Variants in COBL observed in about 807,000 individuals in gnomAD.
The protein encoded by COBL is protein cordon-bleu.
COBL carries 51 observed loss-of-function variants against 98.8 expected under a neutral mutation model. The observed-to-expected ratio is 0.52, with a 90% CI of 0.41 to 0.65. COBL has a LOEUF of 0.65. Among genes scored for constraint, COBL ranks in the 30% least tolerant of loss-of-function variants. COBL has a pLI of 0.00. For synonymous variants in COBL, 634 were observed against 651.7 expected (o/e 0.97, Z 0.41); for missense variants, 1,617 against 1,617.5 (o/e 1.00, Z 0.01).
intron 5 of COBL, among the ~76,000 whole-genome samples, chr7:51,174,289 C>A (rs1788153342): frequency 6.6e-6 from 1 of 152,074 alleles, no homozygotes; most frequent in Non-Finnish European, 1.5e-5. Flanking sequence ...GCTGATAATG[C>A]CTCTCTCACC....
rs1259777152 is a variant in COBL at position 51,085,179 on chromosome 7, C to T, written c.1083G>A (p.Arg361=). 3 of 1,613,860 alleles carry T rather than the reference C, an allele frequency of 1.9e-6. No individual in the cohort carries two copies. In the South Asian group the frequency reaches 3.3e-5, roughly 18 times the overall value. The change falls in exon 7 of 13, where the codon AGG becomes AGA. Residue 361 remains arginine (R), a synonymous_variant. Coordinates refer to ENST00000265136, the MANE Select transcript of COBL (RefSeq NM_015198.5). Reference sequence around the variant, plus strand: ...AGCCTCACTCACCCATCGTGCTCTTCCTGTTCTCCTCCTTATCCTCAGTGC... The same window carrying T: ...AGCCTCACTCACCCATCGTGCTCTTTCTGTTCTCCTCCTTATCCTCAGTGC... The part of the protein sequence containing the change: ...PNRTEDKEEN[R]KSTMVSLPLG...
intron 2 of COBL, among the ~76,000 whole-genome samples, chr7:51,198,027 T>C (rs1790754053): frequency 6.6e-6 from 1 of 152,224 alleles, no homozygotes; most frequent in African/African-American, 2.4e-5. Flanking sequence ...AAGGTTAGTA[T>C]TGATATATGT....
chr7:51,199,570 A>C (rs2129063621), intron 2 of COBL, among the ~76,000 whole-genome samples: 1 of 152,348 alleles, frequency 6.6e-6, no homozygotes, highest in South Asian at 2.1e-4. Context: ...TTTTAAAACT[A>C]AATGAAATCA....
intron 8 of COBL, among the ~76,000 whole-genome samples, chr7:51,037,052 A>ATC (rs149344054): frequency 3.3e-5 from 5 of 151,606 alleles, no homozygotes; most frequent in Admixed American, 1.3e-4. Flanking sequence ...TTCCCCATCC[A>ATC]TCTCTCTCTC....
intron 7 of COBL, among the ~76,000 whole-genome samples, chr7:51,047,477 A>G (rs1434408754): frequency 1.3e-5 from 2 of 152,240 alleles, no homozygotes; most frequent in Non-Finnish European, 2.9e-5. Flanking sequence ...TTTCTTTTAC[A>G]GAGTCAGCAA....
chr7:51,156,547 G>A (rs1786152166), intron 5 of COBL: 10 of 985,014 alleles, frequency 1.0e-5, no homozygotes, highest in Admixed American at 1.2e-4. Context: ...ATATCATCTC[G>A]GATGGCAAAC....
chr7:51,188,927 T>C (rs1789814002), intron 4 of COBL, among the ~76,000 whole-genome samples: 1 of 152,256 alleles, frequency 6.6e-6, no homozygotes, highest in Non-Finnish European at 1.5e-5. Flanking sequence ...ACAGAAACAC[T>C]TGTAAGCCTT....
chr7:51,208,895 A>C (rs1563041109), intron 2 of COBL, among the ~76,000 whole-genome samples: 1 of 151,950 alleles, frequency 6.6e-6, no homozygotes, highest in Non-Finnish European at 1.5e-5. Context: ...TCAAGTACCC[A>C]GGGACACAAA....
chr7:51,025,211 C>T lies in COBL; in HGVS notation c.3666G>A (p.Thr1222=), dbSNP rs749408434. Residue 1222 remains threonine (T), a synonymous_variant, in exon 12 of 13, where the codon ACG becomes ACA. Transcript: ENST00000265136. ...GGGTGCCCGTGCTGAACCTGGAGGC[C>T]GTCCTTGGTGCAGAGAGAGCCTGGG... ...PPSQALSAPR[T]ASRFSTGTLS... is the part of the protein sequence containing the mutation. 8.6e-6 allele frequency: 12 copies of T among 1,391,168 alleles called. No individual in the cohort carries two copies. The highest frequency in any genetic ancestry group is 3.8e-5 in the East Asian group (1 of 26,050). 86.2% of individuals were successfully genotyped at this position (1,391,168 alleles called of 1,614,324 possible). A position where few individuals can be genotyped will look rare whatever the true frequency, so the allele number is the denominator to read the frequency against.
intron 7 of COBL, among the ~76,000 whole-genome samples, chr7:51,084,897 A>T (rs751214318): frequency 7.3e-5 from 11 of 151,710 alleles, no homozygotes; most frequent in Non-Finnish European, 1.5e-4. Context: ...CAGGCTTTCC[A>T]TTTTCACCCT....
intron 1 of COBL, among the ~76,000 whole-genome samples, chr7:51,229,813 A>G (rs1794566719): frequency 6.6e-6 from 1 of 152,166 alleles, no homozygotes; most frequent in Non-Finnish European, 1.5e-5. Flanking sequence ...CCATTGTCCC[A>G]GGACTACAAA....
chr7:51,199,232 A>G (rs994272382), intron 2 of COBL, among the ~76,000 whole-genome samples: 1 of 152,156 alleles, frequency 6.6e-6, no homozygotes, highest in Non-Finnish European at 1.5e-5. Context: ...CTCAGTCCCA[A>G]CTGCAGACCC....
chr7:51,208,191 T>C (rs1189230961), intron 2 of COBL, among the ~76,000 whole-genome samples: 7 of 145,544 alleles, frequency 4.8e-5, no homozygotes, highest in African/African-American at 1.5e-4. Context: ...ACCCTCTGCC[T>C]GGCAACCGCC....
chr7:51,258,391 C>T (rs1203502240), intron 1 of COBL, among the ~76,000 whole-genome samples: 1 of 152,092 alleles, frequency 6.6e-6, no homozygotes, highest in African/African-American at 2.4e-5. Context: ...ACTCATTTAC[C>T]GACATTAAAC....
In COBL at chr7:51,030,815, C is replaced by G; in HGVS notation, c.1501G>C (p.Glu501Gln). The part of the protein sequence containing the change: ...KTLAELDEDL[E>Q]EMEDSYETDT... ...TAGCGGATCAGGTGGTTCTTACCTTCCAGGTCTTCATCAAGTTCTGCAAGG... is the reference window on the plus strand; with the variant it reads ...TAGCGGATCAGGTGGTTCTTACCTTGCAGGTCTTCATCAAGTTCTGCAAGG... The change falls in exon 9 of 13, where the codon GAA becomes CAA. Residue 501 changes from glutamate (E) to glutamine (Q), a missense_variant. Glu to Gln is a conservative substitution (Grantham distance 29, BLOSUM62 2). Around this residue, in one of 3 missense-constraint regions of COBL, gnomAD observed 1,304 missense variants for 1,282.0 expected, o/e 1.02. Coordinates refer to ENST00000265136, the MANE Select transcript of COBL (RefSeq NM_015198.5). The G allele has an allele frequency of 6.2e-7, 1 of 1,602,908 alleles. No individual in the cohort carries two copies. Among genetic ancestry groups the G allele is most frequent in the African/African-American group, 1.3e-5 (1 of 74,772 alleles).
At chr7:51,147,644 G>A (rs547066579) in intron 5 of COBL, among the ~76,000 whole-genome samples, 1 of 152,304 alleles carries the variant, frequency 6.6e-6, no homozygotes, top group South Asian at 2.1e-4. Context: ...ATAAGGAAGA[G>A]GAATAGGCTA....
At chr7:51,201,328 G>A (rs193193093) in intron 2 of COBL, among the ~76,000 whole-genome samples, 77 of 151,754 alleles carry the variant, frequency 5.1e-4, no homozygotes, top group African/African-American at 1.8e-3. Context: ...TAGGGTTTAA[G>A]TCAAAACTCT....
chr7:51,087,588 C>T (rs1262186927), intron 6 of COBL, among the ~76,000 whole-genome samples: 2 of 151,890 alleles, frequency 1.3e-5, no homozygotes, highest in Non-Finnish European at 2.9e-5. Context: ...GATTCTCCTG[C>T]CTCAGCCTCC....
At chr7:51,156,676 A>T in intron 5 of COBL, 2 of 699,110 alleles carry the variant, frequency 2.9e-6, no homozygotes, top group Non-Finnish European at 3.5e-6. Context: ...TTTCCAATGT[A>T]CAGTCAATAA....
Sources: allele counts gnomAD v4.1 joint callset (sites outside exome capture counted in the v4.1 genomes callset), GRCh38; gene constraint gnomAD v4.1.1; regional missense constraint gnomAD v4.1.1; transcripts MANE v1.5; gene names NCBI Gene and HGNC (gene_info 2026-07-23, HGNC 2026-07-21).